The following DPP10 variants were observed in gnomAD, a reference collection of about 807,000 sequenced individuals.
DPP10 encodes dipeptidyl peptidase like 10, also known as inactive dipeptidyl peptidase 10.
A neutral mutation model predicts 120.9 loss-of-function variants in DPP10; 33 were observed. The ratio of observed to expected loss-of-function variants is 0.27; its 90% CI spans 0.21 to 0.37. The LOEUF is 0.37. Among genes scored for constraint, DPP10 ranks in the 10% least tolerant of loss-of-function variants. The probability of loss-of-function intolerance (pLI) is 1.00; values close to 1 mark genes in which losing one functional copy is unlikely to be tolerated. For synonymous variants in DPP10, 337 were observed against 326.1 expected, an observed-to-expected ratio of 1.03 and a Z score of -0.36; for missense variants, 816 against 942.8, an observed-to-expected ratio of 0.87 and a Z score of 1.76.
intron 1 of DPP10, among the ~76,000 whole-genome samples, chr2:114,525,493 T>C (rs1044072180): frequency 4.6e-5 from 7 of 152,204 alleles, no homozygotes; most frequent in Non-Finnish European, 5.9e-5. Context: ...CAATTCTCCA[T>C]GTATTATGAT....
intron 3 of DPP10, among the ~76,000 whole-genome samples, chr2:115,469,714 C>T (rs570143980): frequency 1.3e-4 from 19 of 151,920 alleles, no homozygotes; most frequent in African/African-American, 2.9e-4. Context: ...GCCTGACCAA[C>T]GTGGAGAAAC....
At chr2:115,716,562 T>G (rs1401911809) in intron 7 of DPP10, among the ~76,000 whole-genome samples, 1 of 152,182 alleles carries the variant, frequency 6.6e-6, no homozygotes, top group Non-Finnish European at 1.5e-5. Context: ...TGGGTTCAAT[T>G]ACATTTAAGT....
intron 1 of DPP10, among the ~76,000 whole-genome samples, chr2:114,730,697 G>T (rs1319365967): frequency 1.3e-5 from 2 of 152,036 alleles, no homozygotes; most frequent in Non-Finnish European, 2.9e-5. Context: ...GGATTCAAGC[G>T]ATTCTCCTGC....
intron 1 of DPP10, among the ~76,000 whole-genome samples, chr2:114,902,823 TTTAA>T (rs1370318795): frequency 6.6e-6 from 1 of 152,190 alleles, no homozygotes; most frequent in Non-Finnish European, 1.5e-5. Flanking sequence ...AAATATATTG[TTTAA>T]TTAAGTTTCA....
intron 13 of DPP10, among the ~76,000 whole-genome samples, chr2:115,776,706 G>A (rs1682140738): frequency 6.6e-6 from 1 of 151,966 alleles, no homozygotes; most frequent in African/African-American, 2.4e-5. Flanking sequence ...AAACACCTTG[G>A]AAGCATTGAT....
chr2:115,628,731 A>G (rs1420301525), intron 5 of DPP10, among the ~76,000 whole-genome samples: 2 of 151,886 alleles, frequency 1.3e-5, no homozygotes, highest in African/African-American at 4.8e-5. Flanking sequence ...AATTTTCTAC[A>G]TGTGGCTAGC....
At chr2:114,656,031 A>C (rs982247272) in intron 1 of DPP10, among the ~76,000 whole-genome samples, 1 of 152,128 alleles carries the variant, frequency 6.6e-6, no homozygotes, top group African/African-American at 2.4e-5. Flanking sequence ...AATTGACTAC[A>C]GGGGGCATAG....
chr2:115,158,377 A>G (rs1464190429), intron 1 of DPP10, among the ~76,000 whole-genome samples: 1 of 152,238 alleles, frequency 6.6e-6, no homozygotes, highest in African/African-American at 2.4e-5. Context: ...CAAGAGAAAG[A>G]AAGACATTGT....
intron 5 of DPP10, among the ~76,000 whole-genome samples, chr2:115,583,876 A>G (rs2082139909): frequency 6.6e-6 from 1 of 152,226 alleles, no homozygotes; most frequent in Non-Finnish European, 1.5e-5. Context: ...GGATGAGGGT[A>G]GTGAAATGTG....
rs1265191335 is a variant in DPP10, at chr2:115,733,523, G to T, written c.697+5587G>T. 1.6e-4 allele frequency among the ~76,000 whole-genome samples: 25 copies of T among 151,760 alleles called. 1 individual carries two copies. Among genetic ancestry groups the T allele is most frequent in the Admixed American group, 1.6e-3 (25 of 15,242 alleles). On this transcript the variant is annotated intron_variant, in intron 8 of 25. Coordinates refer to ENST00000410059, the MANE Select transcript of DPP10 (RefSeq NM_020868.6). ...GACTGCAGTGGATGGACATGTAAAT[G>T]GGGAGTGAGAAAGTTATGAATAGAG...
Position 114,498,678 on chromosome 2 carries a change from A to T in DPP10, c.60+55840A>T, listed in dbSNP as rs796082128. Among the ~76,000 whole-genome samples, 11 of 152,256 alleles carry T rather than the reference A, an allele frequency of 7.2e-5. 1 individual carries two copies. The highest frequency in any genetic ancestry group is 2.6e-4 in the African/African-American group (11 of 41,554). On this transcript the variant is annotated intron_variant, in intron 1 of 25. Transcript: ENST00000410059. ...GGGCCAAACTAATTATTTTATTAGG[A>T]GCCTATTTCTGTGATAACTAATCCC... is the stretch of plus-strand genomic sequence containing the variant.
intron 7 of DPP10, among the ~76,000 whole-genome samples, chr2:115,720,486 A>G (rs979428540): frequency 1.3e-5 from 2 of 152,158 alleles, no homozygotes; most frequent in South Asian, 2.1e-4. Context: ...TTATTAAACA[A>G]ATATAAAGGT....
intron 1 of DPP10, among the ~76,000 whole-genome samples, chr2:114,585,277 C>G (rs1442472622): frequency 6.6e-6 from 1 of 152,110 alleles, no homozygotes; most frequent in Admixed American, 6.5e-5. Flanking sequence ...CTTACTGACT[C>G]TCAGCTTCTA....
At chr2:114,629,367 CAT>C (rs1279517531) in intron 1 of DPP10, among the ~76,000 whole-genome samples, 1 of 152,076 alleles carries the variant, frequency 6.6e-6, no homozygotes, top group African/African-American at 2.4e-5. Context: ...AAAGTGATAA[CAT>C]GTTTGAAAAG....
intron 17 of DPP10, among the ~76,000 whole-genome samples, chr2:115,789,824 A>G (rs1025227176): frequency 8.5e-5 from 13 of 152,220 alleles, no homozygotes; most frequent in Admixed American, 1.3e-4. Context: ...TGCAAGATTT[A>G]GGAGTATTTT....
intron 1 of DPP10, among the ~76,000 whole-genome samples, chr2:114,583,178 A>T (rs542981198): frequency 6.2e-4 from 95 of 152,302 alleles, no homozygotes; most frequent in African/African-American, 2.2e-3. Flanking sequence ...ATCTAAGTAT[A>T]TGTGCTTTTG....
chr2:115,123,402 C>G (rs534219876), intron 1 of DPP10, among the ~76,000 whole-genome samples: 6 of 152,244 alleles, frequency 3.9e-5, no homozygotes, highest in African/African-American at 1.4e-4. Context: ...TTCACATGCT[C>G]AGTGGCCTGC....
intron 19 of DPP10, among the ~76,000 whole-genome samples, chr2:115,807,480 G>C (rs141591423): frequency 0.018 from 2,767 of 152,144 alleles, 86 homozygotes; most frequent in African/African-American, 0.061. Context: ...ACTACAGTAC[G>C]CGTAACTGCA....
chr2:115,781,552 A>G (rs1452909821), intron 16 of DPP10, among the ~76,000 whole-genome samples: 3 of 151,938 alleles, frequency 2.0e-5, no homozygotes, highest in Admixed American at 6.6e-5. Context: ...TCCTTTTAAT[A>G]TGGTACTGTA....
Sources: allele counts gnomAD v4.1 joint callset (sites outside exome capture counted in the v4.1 genomes callset), GRCh38; gene constraint gnomAD v4.1.1; transcripts MANE v1.5; gene names NCBI Gene and HGNC (gene_info 2026-07-23, HGNC 2026-07-21).